The following MYLK4 variants were observed in gnomAD, a reference collection of about 807,000 sequenced individuals.
MYLK4 encodes the protein caMLCK like.
In MYLK4, 46 loss-of-function variants were observed where a neutral mutation model predicts 48.1. The observed-to-expected ratio is 0.96, with a 90% CI of 0.75 to 1.22. The LOEUF (loss-of-function observed/expected upper bound fraction) is 1.22. Among genes scored for constraint, MYLK4 ranks in the 50% most tolerant of loss-of-function variants. The pLI is 0.00. For missense variants in MYLK4, 451 were observed against 486.1 expected (o/e 0.93, Z 0.68); for synonymous variants, 170 against 180.8 (o/e 0.94, Z 0.48).
chr6:2,770,327 G>A, the MYLK4 span: 2 of 1,614,112 alleles, frequency 1.2e-6, no homozygotes, highest in African/African-American at 1.3e-5. Context: ...CCGTCCCACT[G>A]ACCCTCTGAG....
chr6:2,732,675 G>C (rs189660533), intron 2 of MYLK4, among the ~76,000 whole-genome samples: 1 of 152,088 alleles, frequency 6.6e-6, no homozygotes, highest in Non-Finnish European at 1.5e-5. Flanking sequence ...CTGGAGCTGA[G>C]AGAGCCTGAG....
At chr6:2,713,115 A>G (rs1762734419) in intron 2 of MYLK4, among the ~76,000 whole-genome samples, 1 of 152,202 alleles carries the variant, frequency 6.6e-6, no homozygotes, top group African/African-American at 2.4e-5. Flanking sequence ...TCATGCCTAC[A>G]ATCCCAGAAC....
rs1009995019 is a variant in MYLK4, at chr6:2,667,390, C to T, written c.*535G>A. 6.6e-6 allele frequency: 1 copy of T among 152,116 alleles called. No homozygotes were observed. The allele number at this position is 152,116 out of a possible 1,614,324, so 9.4% of individuals were successfully genotyped here. On this transcript the variant is annotated 3_prime_UTR_variant, in exon 13 of 13. Transcript: ENST00000274643. ...CCATTGTAGTCACGTGACCACAGAC[C>T]AAATCAAAATGACAGAGTCTGTGAA...
chr6:2,685,186 G>T lies in MYLK4; in HGVS notation c.545+110C>A. ...GTGATCCGCGCGAATCAGAGTCTGC[G>T]GGGGCGAGCTTGGTTCTGGTCCCGC... On this transcript the variant is annotated intron_variant, in intron 6 of 12. Coordinates refer to ENST00000274643, the MANE Select transcript of MYLK4 (RefSeq NM_001012418.5). The surrounding 1 kb of genome is among the most constrained non-coding windows in gnomAD (Gnocchi z 4.5). 6.7e-6 allele frequency: 5 copies of T among 750,202 alleles called. No individual in the cohort carries two copies. Among genetic ancestry groups the T allele is most frequent in the African/African-American group, 5.1e-5 (3 of 58,774 alleles). The allele number at this position is 750,202 out of a possible 1,614,324, so 46.5% of individuals were successfully genotyped here. A position where few individuals can be genotyped will look rare whatever the true frequency, so the allele number is the denominator to read the frequency against.
At chr6:2,712,092 A>G (rs979845594) in intron 2 of MYLK4, among the ~76,000 whole-genome samples, 1 of 152,206 alleles carries the variant, frequency 6.6e-6, no homozygotes, top group Non-Finnish European at 1.5e-5. Flanking sequence ...GTCTATTCAA[A>G]AAAAGCACCA....
At chr6:2,694,514 G>A (rs1254885651) in intron 2 of MYLK4, among the ~76,000 whole-genome samples, 4 of 9,554 alleles carry the variant, frequency 4.2e-4, no homozygotes, top group Admixed American at 2.6e-3. Flanking sequence ...TGGTGGTGGC[G>A]GTGGTGGTGG....
chr6:2,765,546 G>T, the MYLK4 span: 1 of 1,357,952 alleles, frequency 7.4e-7, no homozygotes, highest in Non-Finnish European at 9.4e-7. Flanking sequence ...GCGGGGCCTA[G>T]CGGAGGGCAT....
chr6:2,732,771 A>T (rs1050798874), intron 2 of MYLK4, among the ~76,000 whole-genome samples: 1 of 152,096 alleles, frequency 6.6e-6, no homozygotes, highest in Non-Finnish European at 1.5e-5. Context: ...TGCAGGAACG[A>T]CCAAAGGGAC....
At chr6:2,716,002 T>C (rs971793940) in intron 2 of MYLK4, among the ~76,000 whole-genome samples, 2 of 137,850 alleles carry the variant, frequency 1.5e-5, no homozygotes, top group African/African-American at 5.5e-5. Context: ...TGCACTCTGG[T>C]CAAAGCTCTC....
chr6:2,764,738 C>T, the MYLK4 span, among the ~76,000 whole-genome samples: 1 of 152,208 alleles, frequency 6.6e-6, no homozygotes, highest in African/African-American at 2.4e-5. Context: ...TACACAGCGG[C>T]CCGCGAGAAG....
rs1313824725 is a variant in MYLK4, at chr6:2,678,237, A to G, written c.1023T>C (p.Leu341=). Residue 341 remains leucine (L), a synonymous_variant, in exon 10 of 13, where the codon CTT becomes CTC. Transcript: ENST00000274643. ...SEEAKEFISK[L]LIKEKSWRIS... ...TGCGTTACCTCTTCTCCTTAATCAGAAGCTTAGAGATGAACTCCTTGGCCT... is the reference window on the plus strand; with the variant it reads ...TGCGTTACCTCTTCTCCTTAATCAGGAGCTTAGAGATGAACTCCTTGGCCT... The G allele has an allele frequency of 6.2e-7, 1 of 1,613,904 alleles. No homozygotes were observed. Among genetic ancestry groups the G allele is most frequent in the Non-Finnish European group, 8.5e-7 (1 of 1,179,986 alleles).
intron 2 of MYLK4, among the ~76,000 whole-genome samples, chr6:2,739,917 C>A (rs1763832182): frequency 6.6e-6 from 1 of 152,216 alleles, no homozygotes; most frequent in African/African-American, 2.4e-5. Flanking sequence ...AACTGACCTG[C>A]ATATACTGTT....
At chr6:2,763,901 CT>C in the MYLK4 span, among the ~76,000 whole-genome samples, 1 of 151,706 alleles carries the variant, frequency 6.6e-6, no homozygotes, top group Non-Finnish European at 1.5e-5. Context: ...AATCCCAGCA[CT>C]TTGGGAGACC....
intron 2 of MYLK4, among the ~76,000 whole-genome samples, chr6:2,693,882 T>C (rs1170220732): frequency 6.6e-6 from 1 of 151,718 alleles, no homozygotes. Context: ...CTCAGCCTCC[T>C]GAGTAGCTGG....
At chr6:2,762,310 TCTA>T in the MYLK4 span, among the ~76,000 whole-genome samples, 20 of 152,338 alleles carry the variant, frequency 1.3e-4, no homozygotes, top group South Asian at 8.3e-4. Context: ...TATATGCAAC[TCTA>T]CTGTCTAATC....
chr6:2,733,325 T>A (rs1235110845), intron 2 of MYLK4, among the ~76,000 whole-genome samples: 1 of 152,208 alleles, frequency 6.6e-6, no homozygotes, highest in African/African-American at 2.4e-5. Flanking sequence ...GCAGAAGAGT[T>A]ATGGTGGAAA....
At chr6:2,724,185 T>A (rs1763167500) in intron 2 of MYLK4, among the ~76,000 whole-genome samples, 2 of 152,304 alleles carry the variant, frequency 1.3e-5, no homozygotes, top group South Asian at 4.1e-4. Context: ...GCTGATTGAT[T>A]ATTTTAAAGA....
At chr6:2,728,123 G>A (rs7765402) in intron 2 of MYLK4, among the ~76,000 whole-genome samples, 38,556 of 151,854 alleles carry the variant, frequency 0.25, 5,143 homozygotes, top group Middle Eastern at 0.3. Context: ...TGAGGCAGTA[G>A]GTAGCAGAGC....
intron 2 of MYLK4, among the ~76,000 whole-genome samples, chr6:2,712,549 G>T (rs1056788446): frequency 1.3e-5 from 2 of 152,192 alleles, no homozygotes; most frequent in African/African-American, 4.8e-5. Context: ...CATGTTTTGA[G>T]AAACAGATTT....
Sources: gnomAD v4.1 joint callset for allele counts (sites outside exome capture counted in the v4.1 genomes callset) on GRCh38, gnomAD v4.1.1 for gene constraint, Gnocchi (gnomAD v3.1) non-coding constraint, MANE v1.5 for transcripts, NCBI Gene and HGNC (gene_info 2026-07-23, HGNC 2026-07-21) for gene names.